The following PCDHGA2 variants were observed in gnomAD, a reference collection of about 807,000 sequenced individuals.
PCDHGA2 encodes protocadherin gamma subfamily A, 2, also known as protocadherin gamma-A2.
In PCDHGA2, 40 loss-of-function variants were observed where a neutral mutation model predicts 59.2. The ratio of observed to expected loss-of-function variants is 0.68; its 90% CI spans 0.52 to 0.88. The LOEUF (loss-of-function observed/expected upper bound fraction) is 0.88. Among genes scored for constraint, PCDHGA2 ranks in the 40% least tolerant of loss-of-function variants. The pLI is 0.00. For synonymous variants in PCDHGA2, 560 were observed against 526.0 expected (o/e 1.06, Z -0.89); for missense variants, 1,226 against 1,204.0 (o/e 1.02, Z -0.27).
chr5:141,380,974 A>G (rs1008958709), intron 1 of PCDHGA2, among the ~76,000 whole-genome samples: 1 of 152,262 alleles, frequency 6.6e-6, no homozygotes, highest in Non-Finnish European at 1.5e-5. Flanking sequence ...TATTAAACAA[A>G]TAGAATTTAA....
intron 1 of PCDHGA2, chr5:141,400,584 A>G (rs745551734): frequency 1.9e-6 from 3 of 1,609,038 alleles, no homozygotes; most frequent in Non-Finnish European, 8.5e-7. Flanking sequence ...TATTTACATG[A>G]AACTATCGTA....
intron 1 of PCDHGA2, among the ~76,000 whole-genome samples, chr5:141,381,033 C>G (rs191532708): frequency 2.0e-4 from 30 of 152,324 alleles, no homozygotes; most frequent in African/African-American, 7.2e-4. Flanking sequence ...TTCCTTTAAA[C>G]AAAATTTATC....
chr5:141,423,775 T>A, intron 1 of PCDHGA2: 1 of 1,209,960 alleles, frequency 8.3e-7, no homozygotes, highest in Non-Finnish European at 1.1e-6. Context: ...GCGGCATATA[T>A]TTAGTTCATA....
At chr5:141,350,167 T>C in intron 1 of PCDHGA2, 1 of 1,181,342 alleles carries the variant, frequency 8.5e-7, no homozygotes, top group South Asian at 2.3e-5. Context: ...GCCTAACTAA[T>C]AAGTCCTAAG....
At position 141,432,275 on chromosome 5, in the gene PCDHGA2, T is replaced by C. The variant is rs775413198; in HGVS notation, c.2425-62532T>C. 2 of 1,614,232 alleles carry C rather than the reference T, an allele frequency of 1.2e-6. No homozygotes were observed. Among genetic ancestry groups the C allele is most frequent in the South Asian group, 2.2e-5 (2 of 91,086 alleles). On this transcript the variant is annotated intron_variant, in intron 1 of 3. Coordinates refer to ENST00000394576, the MANE Select transcript of PCDHGA2 (RefSeq NM_018915.4). This position sits in a 1 kb window ranked among gnomAD's most constrained non-coding sequence, Gnocchi z 6.0. ...AGGGGCAAGCCTATCGTCCTACGTG[T>C]CCATCAACTCCGACACTGGGGTACT... is the stretch of plus-strand genomic sequence containing the variant.
chr5:141,361,214 C>A, intron 1 of PCDHGA2: 1 of 1,613,912 alleles, frequency 6.2e-7, no homozygotes, highest in Non-Finnish European at 8.5e-7. Context: ...CCGGAGGATT[C>A]GCCACCAGGA....
chr5:141,375,451 C>G (rs1561567898), intron 1 of PCDHGA2: 9 of 1,614,016 alleles, frequency 5.6e-6, no homozygotes, highest in Non-Finnish European at 7.6e-6. Flanking sequence ...CCCATTCATC[C>G]TACTCAGTCT....
At chr5:141,449,137 A>C (rs1257120647) in intron 1 of PCDHGA2, among the ~76,000 whole-genome samples, 1 of 152,176 alleles carries the variant, frequency 6.6e-6, no homozygotes, top group Non-Finnish European at 1.5e-5. Context: ...AATGGAATTG[A>C]AATTGCTGGG....
In PCDHGA2 at chr5:141,339,142, G is replaced by C; in HGVS notation, c.171G>C (p.Leu57=). The change falls in exon 1 of 4, where the codon CTG becomes CTC. Residue 57 remains leucine (L), a synonymous_variant. Transcript: ENST00000394576. ...CCAAGGACTTGGGTTTGGAGCCCCT[G>C]GCACTGGCAGAGCAGGGAGTCCGCA... ...NIAKDLGLEP[L]ALAEQGVRIV... 3 of 1,614,220 alleles carry C rather than the reference G, an allele frequency of 1.9e-6. No individual in the cohort carries two copies.
chr5:141,468,274 G>A (rs1461428449), intron 1 of PCDHGA2, among the ~76,000 whole-genome samples: 1 of 144,906 alleles, frequency 6.9e-6, no homozygotes, highest in Non-Finnish European at 1.5e-5. Flanking sequence ...GTGGTGAGCC[G>A]AGACCACGCC....
intron 1 of PCDHGA2, chr5:141,352,819 G>A (rs1164186338): frequency 1.6e-5 from 13 of 810,682 alleles, no homozygotes; most frequent in Non-Finnish European, 2.5e-5. Context: ...GTAAAACCCG[G>A]TCTACTAAAA....
intron 1 of PCDHGA2, among the ~76,000 whole-genome samples, chr5:141,434,491 C>CCCAGGGCAGAAAACTGCTTAA (rs1300377022): frequency 1.8e-4 from 27 of 152,302 alleles, no homozygotes; most frequent in Non-Finnish European, 3.4e-4. Context: ...ACCTGGCCCG[C>CCCAGGGCAGAAAACTGCTTAA]CCAGGGCAGA....
intron 1 of PCDHGA2, chr5:141,392,784 A>G: frequency 6.5e-7 from 1 of 1,546,632 alleles, no homozygotes. Context: ...CACAGTGAAG[A>G]TTCTGAGAGG....
rs951185891 is a variant in PCDHGA2, at chr5:141,494,814, C to T, written c.2432C>T (p.Pro811Leu). 7 of 1,614,152 alleles carry T rather than the reference C, an allele frequency of 4.3e-6. No individual in the cohort carries two copies. The highest frequency in any genetic ancestry group is 1.7e-5 in the Admixed American group (1 of 60,024). Residue 811 changes from proline to leucine, a missense_variant, in exon 2 of 4, where the codon CCG becomes CTG. By Grantham distance (98) the Pro-to-Leu change is moderately conservative (BLOSUM62 -3). Transcript: ENST00000394576. The part of the protein sequence containing the change: ...EREETFSQQA[P>L]PNTDWRFSQA... ...CCTCTGTTTTCTCCACAGCAAGCCCCGCCCAACACGGACTGGCGTTTCTCT... is the reference window on the plus strand; with the variant it reads ...CCTCTGTTTTCTCCACAGCAAGCCCTGCCCAACACGGACTGGCGTTTCTCT...
At position 141,348,806 on chromosome 5, in the gene PCDHGA2, A is replaced by G. The variant is rs901855312; in HGVS notation, c.2424+7411A>G. On this transcript the variant is annotated intron_variant, in intron 1 of 3. Transcript: ENST00000394576. The stretch of plus-strand genomic sequence containing the variant: ...GTGAAAAGGTATCTTAAGAAAACAG[A>G]TAATAGGCTGTTTCGAATAGAGTAT... Among the ~76,000 whole-genome samples the G allele has an allele frequency of 4.6e-5, 7 of 152,224 alleles. 1 individual carries two copies. The highest frequency in any genetic ancestry group is 3.3e-4 in the Admixed American group (5 of 15,286).
chr5:141,383,480 T>C, intron 1 of PCDHGA2: 2 of 1,613,740 alleles, frequency 1.2e-6, no homozygotes, highest in Non-Finnish European at 1.7e-6. Context: ...TACCCGGAAC[T>C]GGTGCTGGAG....
chr5:141,388,619 C>A (rs369637121), intron 1 of PCDHGA2: 1 of 1,613,852 alleles, frequency 6.2e-7, no homozygotes, highest in Admixed American at 1.7e-5. Flanking sequence ...TCAGTCAAGA[C>A]GTATACAGGG....
chr5:141,388,923 TTCCAG>T (rs1561622090), intron 1 of PCDHGA2: 2 of 1,614,002 alleles, frequency 1.2e-6, no homozygotes, highest in Admixed American at 1.7e-5. Context: ...AGAAGTGATA[TTCCAG>T]TCTCTACCCA....
intron 1 of PCDHGA2, chr5:141,409,423 T>G: frequency 6.2e-7 from 1 of 1,614,026 alleles, no homozygotes; most frequent in Non-Finnish European, 8.5e-7. Context: ...TGGTGACAGA[T>G]GGAGCCCTGG....
Sources: gnomAD v4.1 joint callset for allele counts (sites outside exome capture counted in the v4.1 genomes callset) on GRCh38, gnomAD v4.1.1 for gene constraint, Gnocchi (gnomAD v3.1) non-coding constraint, MANE v1.5 for transcripts, NCBI Gene and HGNC (gene_info 2026-07-23, HGNC 2026-07-21) for gene names.